Variants in FARP2 observed in about 807,000 individuals in gnomAD.
FARP2 encodes the protein FERM, ARHGEF and pleckstrin domain-containing protein 2.
A neutral mutation model predicts 130.5 loss-of-function variants in FARP2; 111 were observed. That is an observed-to-expected ratio of 0.85 (90% CI 0.73 to 1.00). FARP2 has a LOEUF of 1.00. FARP2 is among the 50% of genes least tolerant of loss of function. FARP2 has a pLI of 0.00. For missense variants in FARP2, 1,385 were observed against 1,346.3 expected, an observed-to-expected ratio of 1.03 and a Z score of -0.45; for synonymous variants, 504 against 516.9, an observed-to-expected ratio of 0.98 and a Z score of 0.34.
rs1177756342 is a variant in FARP2 at position 241,482,639 on chromosome 2, GT to G, written c.2263-823del. Among the ~76,000 whole-genome samples the G allele has an allele frequency of 3.3e-5, 5 of 152,152 alleles. No individual in the cohort carries two copies. The highest frequency in any genetic ancestry group is 2.0e-4 in the Admixed American group (3 of 15,276). ...TGTTTGGGCTGGTTTTTCATCCTGC[GT>G]TTCTGTGAGGATTATCTGTGTAGTG... On this transcript the variant is annotated intron_variant, in intron 19 of 26. Coordinates refer to ENST00000264042, the MANE Select transcript of FARP2 (RefSeq NM_014808.4). This position sits in a 1 kb window ranked among gnomAD's most constrained non-coding sequence, Gnocchi z 4.6.
At chr2:241,445,687 C>T (rs2063497835) in intron 13 of FARP2, 1 of 152,234 alleles carries the variant, frequency 6.6e-6, no homozygotes, top group Non-Finnish European at 1.5e-5. Context: ...AGATTTGACT[C>T]AGCACTCCTG....
chr2:241,357,695 C>G (rs142486890), intron 1 of FARP2, among the ~76,000 whole-genome samples: 2 of 152,266 alleles, frequency 1.3e-5, no homozygotes, highest in African/African-American at 4.8e-5. Flanking sequence ...GTTGCAGATT[C>G]TCATTAGGTG....
In FARP2 at chr2:241,493,023, A is replaced by G. The variant is rs761647258; in HGVS notation, c.2882A>G (p.Tyr961Cys). The change falls in exon 25 of 27, where the codon TAC (tyrosine) becomes TGC (cysteine). Residue 961 changes from tyrosine to cysteine, a missense_variant. Transcript: ENST00000264042. ...VVFTNFCLFF[Y>C]KTHQDDYPLA... ...TTTACCAACTTCTGTTTGTTCTTCT[A>G]CAAAACTCATCAGGTACTGGAGTTT... The G allele has an allele frequency of 4.4e-6, 7 of 1,593,448 alleles. No individual in the cohort carries two copies. In the Admixed American group the frequency reaches 1.0e-4, roughly 23 times the overall value.
intron 1 of FARP2, among the ~76,000 whole-genome samples, chr2:241,361,191 C>T (rs555632736): frequency 1.3e-5 from 2 of 152,340 alleles, no homozygotes; most frequent in East Asian, 3.9e-4. Flanking sequence ...TTCCTTTCCA[C>T]TGCCCACACA....
chr2:241,431,787 T>C lies in FARP2; in HGVS notation c.867+13T>C. 1 of 1,028,244 alleles carries C rather than the reference T, an allele frequency of 9.7e-7. No homozygotes were observed. Among genetic ancestry groups the C allele is most frequent in the Non-Finnish European group, 1.4e-6 (1 of 728,192 alleles). The allele number at this position is 1,028,244 out of a possible 1,614,324, so 63.7% of individuals were successfully genotyped here. A position where few individuals can be genotyped will look rare whatever the true frequency, so the allele number is the denominator to read the frequency against. On this transcript the variant is annotated intron_variant, in intron 9 of 26. Coordinates refer to ENST00000264042, the MANE Select transcript of FARP2 (RefSeq NM_014808.4). ...TCCAGAGGTTCATGTAAGTATTATT[T>C]TCAACTTTTTATTTTTATTTTATTT...
chr2:241,494,408 G>A lies in FARP2; in HGVS notation c.*283G>A, dbSNP rs2065047967. On this transcript the variant is annotated 3_prime_UTR_variant, in exon 27 of 27. Transcript: ENST00000264042. This position sits in a 1 kb window ranked among gnomAD's most constrained non-coding sequence, Gnocchi z 4.9. ...GCTCCCAGGCCCCTGGCTCAAAGAC[G>A]CAGACAAGGCCTGAGCAGTGCTCTC... 1 of 263,536 alleles carries A rather than the reference G, an allele frequency of 3.8e-6. No individual in the cohort carries two copies. The highest frequency in any genetic ancestry group is 7.2e-6 in the Non-Finnish European group (1 of 139,390). The allele number at this position is 263,536 out of a possible 1,614,324, so 16.3% of individuals were successfully genotyped here.
intron 19 of FARP2, 49 bp downstream of exon 19, chr2:241,476,036 A>C: frequency 6.4e-7 from 1 of 1,560,388 alleles, no homozygotes; most frequent in Non-Finnish European, 8.7e-7. Flanking sequence ...TTGGTTTTTC[A>C]ATTGAGATAT....
intron 1 of FARP2, 124 bp from the exon 2 acceptor site, chr2:241,372,960 C>T: frequency 2.3e-6 from 1 of 439,186 alleles, no homozygotes; most frequent in Non-Finnish European, 3.9e-6. Context: ...GTGATTAAGA[C>T]TCACAGAAGT....
Position 241,484,002 on chromosome 2 carries a change from C to T in FARP2, c.2332-240C>T, listed in dbSNP as rs2064691081. 2.2e-6 allele frequency: 3 copies of T among 1,335,430 alleles called. 1 individual carries two copies. Among genetic ancestry groups the T allele is most frequent in the African/African-American group, 1.5e-5 (1 of 67,476 alleles). 82.7% of individuals were successfully genotyped at this position (1,335,430 alleles called of 1,614,324 possible). A position where few individuals can be genotyped will look rare whatever the true frequency, so the allele number is the denominator to read the frequency against. ...CACCAGCCAGAATTCCTTACTGCCT[C>T]CAGCTTCTCAGCCAAGCTAGCTGGG... On this transcript the variant is annotated intron_variant, in intron 20 of 26. Transcript: ENST00000264042.
At chr2:241,359,235 C>G (rs950979116) in intron 1 of FARP2, among the ~76,000 whole-genome samples, 2 of 152,106 alleles carry the variant, frequency 1.3e-5, no homozygotes, top group African/African-American at 4.8e-5. Flanking sequence ...ATTGTTTTCC[C>G]CTAAACTGGT....
At chr2:241,468,892 A>G (rs999222963) in intron 18 of FARP2, among the ~76,000 whole-genome samples, 4 of 152,248 alleles carry the variant, frequency 2.6e-5, no homozygotes, top group Non-Finnish European at 5.9e-5. Flanking sequence ...GGGATAAAAG[A>G]GTAAACTCTG....
intron 20 of FARP2, chr2:241,484,030 C>G: frequency 7.4e-7 from 1 of 1,357,946 alleles, no homozygotes; most frequent in East Asian, 3.0e-5. Flanking sequence ...TAGCTGGGAG[C>G]TGACCCAGCA....
chr2:241,466,236 A>G (rs959964383), intron 17 of FARP2: 4 of 985,310 alleles, frequency 4.1e-6, no homozygotes, highest in African/African-American at 1.7e-5. Flanking sequence ...CTGTCCCCCT[A>G]CAGTGCAAGT....
chr2:241,468,068 G>T (rs931067713), intron 17 of FARP2, 72 bp from the exon 18 acceptor site: 2 of 1,060,578 alleles, frequency 1.9e-6, no homozygotes, highest in African/African-American at 3.1e-5. Flanking sequence ...CTGCCATCAA[G>T]GAAAACAGGC....
At chr2:241,422,651 T>G (rs2062840877) in intron 8 of FARP2, among the ~76,000 whole-genome samples, 1 of 152,102 alleles carries the variant, frequency 6.6e-6, no homozygotes, top group African/African-American at 2.4e-5. Flanking sequence ...AAGCAGGCTT[T>G]GGAAGGTGGG....
At chr2:241,480,353 G>A (rs1426597250) in intron 19 of FARP2, among the ~76,000 whole-genome samples, 1 of 152,178 alleles carries the variant, frequency 6.6e-6, no homozygotes, top group African/African-American at 2.4e-5. Context: ...GTTTGGCTTA[G>A]ACAATTTATA....
At chr2:241,403,685 T>A (rs924770335) in intron 2 of FARP2, 143 bp from the exon 3 acceptor site, 2 of 434,906 alleles carry the variant, frequency 4.6e-6, no homozygotes, top group Non-Finnish European at 8.2e-6. Context: ...CTTTTTTTTT[T>A]ATATATAGTT....
At chr2:241,452,216 C>T (rs191214860) in intron 13 of FARP2, among the ~76,000 whole-genome samples, 1 of 152,342 alleles carries the variant, frequency 6.6e-6, no homozygotes, top group African/African-American at 2.4e-5. Context: ...GTGGAAAGCA[C>T]TCTTCAGAGC....
rs148173061 is a variant in FARP2, at chr2:241,395,169, G to A, written c.184-8659G>A. On this transcript the variant is annotated intron_variant, in intron 2 of 26. Coordinates refer to ENST00000264042, the MANE Select transcript of FARP2 (RefSeq NM_014808.4). ...ACTCCAAAGCCTCTGCCCTTAGGAC[G>A]GTGTGAGGAAACCTGTTCCTTGTGA... Among the ~76,000 whole-genome samples the A allele has an allele frequency of 9.9e-5, 15 of 152,284 alleles. No homozygotes were observed. The East Asian group carries it at 2.5e-3, about 25-fold the overall frequency.
Sources: gnomAD v4.1 joint callset for allele counts (sites outside exome capture counted in the v4.1 genomes callset) on GRCh38, gnomAD v4.1.1 for gene constraint, Gnocchi (gnomAD v3.1) non-coding constraint, MANE v1.5 for transcripts, NCBI Gene and HGNC (gene_info 2026-07-23, HGNC 2026-07-21) for gene names.